Variants in PKHD1L1 observed in about 807,000 individuals in gnomAD.
The protein encoded by PKHD1L1 is fibrocystin-L.
A neutral mutation model predicts 462.9 loss-of-function variants in PKHD1L1; 434 were observed. The ratio of observed to expected loss-of-function variants is 0.94; its 90% CI spans 0.87 to 1.02. The LOEUF (loss-of-function observed/expected upper bound fraction) is 1.02, where lower values mean the gene tolerates loss of function less well. Ranked by LOEUF, PKHD1L1 falls within the 50% of genes least tolerant of loss-of-function variation. PKHD1L1 has a pLI of 0.00. For synonymous variants in PKHD1L1, 1,781 were observed against 1,750.0 expected (o/e 1.02, Z -0.44); for missense variants, 5,202 against 5,096.1 (o/e 1.02, Z -0.63).
At chr8:109,383,140 GTA>G (rs1166444314) in intron 4 of PKHD1L1, among the ~76,000 whole-genome samples, 40 of 65,334 alleles carry the variant, frequency 6.1e-4, no homozygotes, top group Non-Finnish European at 8.0e-4. Flanking sequence ...ATATATTATT[GTA>G]TATATTATAT....
At chr8:109,471,202 T>C (rs1817697655) in intron 50 of PKHD1L1, 1 of 867,608 alleles carries the variant, frequency 1.2e-6, no homozygotes, top group African/African-American at 1.7e-5. Context: ...CATTTTTTAC[T>C]TGAATCAGAT....
intron 2 of PKHD1L1, among the ~76,000 whole-genome samples, chr8:109,377,534 G>A (rs567143680): frequency 4.4e-4 from 67 of 152,200 alleles, no homozygotes; most frequent in South Asian, 1.9e-3. Context: ...GCCTAAAGTA[G>A]AGTTTTACTG....
At chr8:109,416,310 A>G (rs1186937824) in intron 21 of PKHD1L1, among the ~76,000 whole-genome samples, 3 of 152,224 alleles carry the variant, frequency 2.0e-5, no homozygotes, top group Non-Finnish European at 4.4e-5. Flanking sequence ...ATTCTTGTTT[A>G]CACAAAGTTC....
intron 76 of PKHD1L1, among the ~76,000 whole-genome samples, chr8:109,525,372 T>C (rs1353533168): frequency 1.3e-5 from 2 of 152,222 alleles, no homozygotes; most frequent in Non-Finnish European, 2.9e-5. Flanking sequence ...TCCTATGTAA[T>C]GTTTAGTGTT....
chr8:109,518,924 C>T (rs1820413870), intron 73 of PKHD1L1, among the ~76,000 whole-genome samples: 1 of 152,006 alleles, frequency 6.6e-6, no homozygotes, highest in Non-Finnish European at 1.5e-5. Flanking sequence ...TCCGATTGGT[C>T]TGGAGTGGAA....
At chr8:109,495,375 A>G (rs889033705) in intron 63 of PKHD1L1, among the ~76,000 whole-genome samples, 1 of 152,114 alleles carries the variant, frequency 6.6e-6, no homozygotes, top group East Asian at 1.9e-4. Flanking sequence ...GTATAATGCT[A>G]TGTAATGCAT....
intron 40 of PKHD1L1, 93 bp downstream of exon 40, chr8:109,449,580 G>A: frequency 8.6e-7 from 1 of 1,168,142 alleles, no homozygotes; most frequent in Non-Finnish European, 1.2e-6. Flanking sequence ...TGGATTCCTT[G>A]GAGTAATTAA....
intron 35 of PKHD1L1, among the ~76,000 whole-genome samples, chr8:109,442,505 G>A (rs147424501): frequency 1.6e-3 from 249 of 152,236 alleles, no homozygotes; most frequent in African/African-American, 5.8e-3. Flanking sequence ...AACCAATCTG[G>A]TAGCAAGCGA....
chr8:109,372,986 C>A (rs1811596617), intron 2 of PKHD1L1, among the ~76,000 whole-genome samples: 2 of 152,148 alleles, frequency 1.3e-5, no homozygotes, highest in South Asian at 2.1e-4. Flanking sequence ...TGCATCTCTG[C>A]CCAGCTTTGG....
At chr8:109,512,477 C>G (rs1276576114) in intron 71 of PKHD1L1, among the ~76,000 whole-genome samples, 3 of 152,038 alleles carry the variant, frequency 2.0e-5, no homozygotes, top group Non-Finnish European at 2.9e-5. Flanking sequence ...GCTTGTTTTT[C>G]TCGGGTTTGC....
intron 1 of PKHD1L1, among the ~76,000 whole-genome samples, chr8:109,364,199 C>A (rs1375243498): frequency 1.3e-5 from 2 of 152,100 alleles, no homozygotes; most frequent in Non-Finnish European, 2.9e-5. Context: ...GTTAGGTGAG[C>A]TGTTAAGCAT....
In PKHD1L1 at chr8:109,452,733, C is replaced by A; in HGVS notation, c.6523C>A (p.Leu2175Ile). 6.5e-7 allele frequency: 1 copy of A among 1,534,560 alleles called. No homozygotes were observed. The highest frequency in any genetic ancestry group is 8.7e-7 in the Non-Finnish European group (1 of 1,143,262). The change falls in exon 43 of 78, where the codon CTT becomes ATT. Residue 2175 changes from leucine to isoleucine, a missense_variant. This residue lies in a region of PKHD1L1 where 4,497 missense variants were observed against 4,336.8 expected (regional missense o/e 1.04). Coordinates refer to ENST00000378402, the MANE Select transcript of PKHD1L1 (RefSeq NM_177531.6). ...GMAKLDNADF[L>I]YVDAWSSNFS... ...TCTATTACAGGATAATGCTGACTTT[C>A]TTTATGTTGATGCCTGGTCCTCCAA... is the stretch of plus-strand genomic sequence containing the variant.
At position 109,498,536 on chromosome 8, in the gene PKHD1L1, A is replaced by G. The variant is rs778591715; in HGVS notation, c.10674A>G (p.Glu3558=). ...DVLTNDDPNI[E]LTAAHRSPRS... ...TAACTAATGATGATCCTAATATTGA[A>G]CTCACTGCTGCTCATCGGAGTCCTA... is the stretch of plus-strand genomic sequence containing the variant. Residue 3558 remains glutamate, a synonymous_variant, in exon 66 of 78, where the codon GAA becomes GAG. Coordinates refer to ENST00000378402, the MANE Select transcript of PKHD1L1 (RefSeq NM_177531.6). 1 of 1,613,508 alleles carries G rather than the reference A, an allele frequency of 6.2e-7. No homozygotes were observed. The highest frequency in any genetic ancestry group is 2.2e-5 in the East Asian group (1 of 44,882).
At chr8:109,486,856 C>T in intron 59 of PKHD1L1, 35 bp downstream of exon 59, 1 of 1,567,210 alleles carries the variant, frequency 6.4e-7, no homozygotes, top group Non-Finnish European at 8.7e-7. Flanking sequence ...TCTAAATGAG[C>T]TATAACATTA....
At chr8:109,379,790 G>A (rs1042655261) in intron 2 of PKHD1L1, among the ~76,000 whole-genome samples, 1 of 152,230 alleles carries the variant, frequency 6.6e-6, no homozygotes, top group East Asian at 1.9e-4. Context: ...TACCACCATG[G>A]TCTACTCAGT....
In PKHD1L1 at chr8:109,419,149, G is replaced by A. The variant is rs1449901563; in HGVS notation, c.2413G>A (p.Gly805Arg). Residue 805 changes from glycine (G) to arginine (R), a missense_variant, in exon 22 of 78, where the codon GGG becomes AGG. This residue lies in a region of PKHD1L1 where 4,497 missense variants were observed against 4,336.8 expected (regional missense o/e 1.04). Transcript: ENST00000378402. ...LLDLVRTKYTGTNVSLQRISL... is the reference protein window; with the variant it reads ...LLDLVRTKYTRTNVSLQRISL... ...GGATCTCGTAAGAACGAAATACACTGGGACAAATGTTTCTCTTCAGAGGAT... is the reference window on the plus strand; with the variant it reads ...GGATCTCGTAAGAACGAAATACACTAGGACAAATGTTTCTCTTCAGAGGAT... 5 of 1,613,366 alleles carry A rather than the reference G, an allele frequency of 3.1e-6. No homozygotes were observed. In the East Asian group the frequency reaches 8.9e-5, roughly 29 times the overall value.
At chr8:109,511,249 CCA>C (rs1819961504) in intron 71 of PKHD1L1, among the ~76,000 whole-genome samples, 1 of 151,952 alleles carries the variant, frequency 6.6e-6, no homozygotes, top group African/African-American at 2.4e-5. Context: ...AATGTGTAGG[CCA>C]GTCACACATG....
At chr8:109,366,165 T>G (rs1447893223) in intron 2 of PKHD1L1, among the ~76,000 whole-genome samples, 1 of 152,210 alleles carries the variant, frequency 6.6e-6, no homozygotes, top group Non-Finnish European at 1.5e-5. Context: ...ATGTAGTCTT[T>G]TCTTTTGTGT....
chr8:109,477,501 C>A, intron 53 of PKHD1L1, 105 bp downstream of exon 53: 3 of 1,049,712 alleles, frequency 2.9e-6, no homozygotes, highest in African/African-American at 1.6e-5. Context: ...TGCACAATGT[C>A]TTGTAGGTTA....
Sources: gnomAD v4.1 joint callset for allele counts (sites outside exome capture counted in the v4.1 genomes callset) on GRCh38, gnomAD v4.1.1 for gene constraint, gnomAD v4.1.1 regional missense constraint, MANE v1.5 for transcripts, NCBI Gene and HGNC (gene_info 2026-07-23, HGNC 2026-07-21) for gene names.